The following FAM90A1 variants were observed in gnomAD, a reference collection of about 807,000 sequenced individuals.
The protein encoded by FAM90A1 is family with sequence similarity 90 member A1.
Under a neutral mutation model 14.8 loss-of-function variants are expected in FAM90A1, and 10 were observed. That is an observed-to-expected ratio of 0.67 (90% confidence interval 0.42 to 1.14). The LOEUF is 1.14. Ranked by LOEUF, FAM90A1 falls within the 50% of genes most tolerant of loss-of-function variation. The pLI, the probability that FAM90A1 is intolerant of heterozygous loss-of-function variation, is 0.00. For synonymous variants in FAM90A1, 236 were observed against 248.4 expected, an observed-to-expected ratio of 0.95 and a Z score of 0.47; for missense variants, 567 against 602.8, an observed-to-expected ratio of 0.94 and a Z score of 0.62.
rs1399243188 is a variant in FAM90A1 at position 8,222,082 on chromosome 12, A to G, written c.1135T>C (p.Ser379Pro). 2 of 1,608,732 alleles carry G rather than the reference A, an allele frequency of 1.2e-6. No homozygotes were observed. The highest frequency in any genetic ancestry group is 1.7e-6 in the Non-Finnish European group (2 of 1,179,980). The change falls in exon 7 of 7, where the codon TCC (serine) becomes CCC (proline). Residue 379 changes from serine to proline, a missense_variant. Transcript: ENST00000538603. ...CLPTAQACTMSHHPAASHDGA... is the reference protein window; with the variant it reads ...CLPTAQACTMPHHPAASHDGA... Reference sequence around the variant, plus strand: ...TCATGGCTGGCCGCTGGGTGATGGGACATGGTGCAGGCCTGGGCAGTAGGC... The same window carrying G: ...TCATGGCTGGCCGCTGGGTGATGGGGCATGGTGCAGGCCTGGGCAGTAGGC...
rs773291216 is a variant in FAM90A1, at chr12:8,222,322, G to A, written c.895C>T (p.Gln299Ter). The change falls in exon 7 of 7, where the codon CAG (glutamine) becomes TAG (stop). Residue 299 changes from glutamine to a stop codon, truncating the protein, a stop_gained. Coordinates refer to ENST00000538603, the MANE Select transcript of FAM90A1 (RefSeq NM_018088.3). LOFTEE classifies it low-confidence loss of function (END_TRUNC). ...TTCTTGGGGAAGTTCAGGCAAGCCT[G>A]AATCGGAGCCGGGGCAGATCTCTTG... ...GAKRSAPAPI[Q>*]ACLNFPKKPR... 1.2e-6 allele frequency: 2 copies of A among 1,611,606 alleles called. No individual in the cohort carries two copies. The highest frequency in any genetic ancestry group is 1.1e-5 in the South Asian group (1 of 90,996).
intron 3 of FAM90A1, among the ~76,000 whole-genome samples, chr12:8,225,181 G>C (rs1439514762): frequency 6.6e-6 from 1 of 152,218 alleles, no homozygotes; most frequent in Non-Finnish European, 1.5e-5. Context: ...ACTGGACTTA[G>C]GTCTATCACG....
In FAM90A1 at chr12:8,225,972, T is replaced by C. The variant is rs1948934603; in HGVS notation, c.-193A>G. 1 of 152,374 alleles carries C rather than the reference T, an allele frequency of 6.6e-6. No homozygotes were observed. The highest frequency in any genetic ancestry group is 2.4e-5 in the African/African-American group (1 of 41,596). 9.4% of individuals were successfully genotyped at this position (152,374 alleles called of 1,614,324 possible). On this transcript the variant is annotated 5_prime_UTR_variant, in exon 3 of 7. Coordinates refer to ENST00000538603, the MANE Select transcript of FAM90A1 (RefSeq NM_018088.3). ...AGGGACCTCTGCTTTCCAGGCTGCC[T>C]TTTATACTGCCTCTGGTCACCTGAC... is the stretch of plus-strand genomic sequence containing the variant.
chr12:8,227,051 C>T (rs1250240759), intron 1 of FAM90A1, among the ~76,000 whole-genome samples: 5 of 152,170 alleles, frequency 3.3e-5, no homozygotes, highest in African/African-American at 1.2e-4. Context: ...GATCCACCTG[C>T]CTTGGCCTCC....
rs193031084 is a variant in FAM90A1, at chr12:8,223,288, C to T, written c.432+161G>A. Among the ~76,000 whole-genome samples, 1,418 of 152,218 alleles carry T rather than the reference C, an allele frequency of 9.3e-3. 23 individuals are homozygous for T. The highest frequency in any genetic ancestry group is 0.032 in the African/African-American group (1,335 of 41,524). On this transcript the variant is annotated intron_variant, in intron 6 of 6. Transcript: ENST00000538603. ...GAAATACGGCATCTTCAGATGCCTT[C>T]GCCTGGAATCAAATTGACCTGGAAG...
rs1166860107 is a variant in FAM90A1 at position 8,226,428 on chromosome 12, T to G, written c.-370A>C. 2 of 152,378 alleles carry G rather than the reference T, an allele frequency of 1.3e-5. No individual in the cohort carries two copies. The highest frequency in any genetic ancestry group is 2.9e-5 in the Non-Finnish European group (2 of 68,056). 9.4% of individuals were successfully genotyped at this position (152,378 alleles called of 1,614,324 possible). ...GCAGAGAACCCTGACCACACACTCA[T>G]GTGTTTTCTCCTCCAGAATGCGCTT... On this transcript the variant is annotated 5_prime_UTR_variant, in exon 2 of 7. An upstream start codon of the reference 5' UTR is lost. Coordinates refer to ENST00000538603, the MANE Select transcript of FAM90A1 (RefSeq NM_018088.3).
chr12:8,227,604 G>A lies in FAM90A1; in HGVS notation c.-545C>T. 1 of 1,552,368 alleles carries A rather than the reference G, an allele frequency of 6.4e-7. No homozygotes were observed. Among genetic ancestry groups the A allele is most frequent in the East Asian group, 2.3e-5 (1 of 43,250 alleles). ...GTTGCTTCTGGAAGGGCCCGGATGG[G>A]GCCTGACTGGAGCTGCCGAGGGGTG... On this transcript the variant is annotated 5_prime_UTR_variant, in exon 1 of 7. Transcript: ENST00000538603.
Position 8,221,499 on chromosome 12 carries a change from C to T in FAM90A1, c.*323G>A. On this transcript the variant is annotated 3_prime_UTR_variant, in exon 7 of 7. Coordinates refer to ENST00000538603, the MANE Select transcript of FAM90A1 (RefSeq NM_018088.3). ...GAGAGCAAATACACAGTAATTCCCC[C>T]GTTTCCTATTGACGTCCCAGCGGAA... 4.5e-6 allele frequency: 2 copies of T among 447,880 alleles called. No individual in the cohort carries two copies. Among genetic ancestry groups the T allele is most frequent in the Non-Finnish European group, 8.2e-6 (2 of 244,316 alleles). 27.7% of individuals were successfully genotyped at this position (447,880 alleles called of 1,614,324 possible). A position where few individuals can be genotyped will look rare whatever the true frequency, so the allele number is the denominator to read the frequency against.
Position 8,224,069 on chromosome 12 carries a change from TTCA to T in FAM90A1, c.267_269del (p.Glu90del), listed in dbSNP as rs751803817. 1 of 1,612,088 alleles carries T rather than the reference TTCA, an allele frequency of 6.2e-7. No individual in the cohort carries two copies. The highest frequency in any genetic ancestry group is 8.5e-7 in the Non-Finnish European group (1 of 1,179,858). ...CCTTGTTCAAGGGCCCAGGGTTCGCTTCAACCTGGGGCTTCCATGGTTTCAGGT... is the reference window on the plus strand; with the variant it reads ...CCTTGTTCAAGGGCCCAGGGTTCGCTACCTGGGGCTTCCATGGTTTCAGGT... On this transcript the variant is annotated inframe_deletion, in exon 5 of 7. Coordinates refer to ENST00000538603, the MANE Select transcript of FAM90A1 (RefSeq NM_018088.3).
At chr12:8,227,418 C>G (rs1330899416) in intron 1 of FAM90A1, 62 bp downstream of exon 1, 6 of 457,816 alleles carry the variant, frequency 1.3e-5, no homozygotes, top group Non-Finnish European at 2.4e-5. Context: ...GTCCCCTGCG[C>G]ACAACACAGA....
rs1441721685 is a variant in FAM90A1 at position 8,222,127 on chromosome 12, G to C, written c.1090C>G (p.Pro364Ala). 1 of 1,611,996 alleles carries C rather than the reference G, an allele frequency of 6.2e-7. No individual in the cohort carries two copies. The highest frequency in any genetic ancestry group is 8.5e-7 in the Non-Finnish European group (1 of 1,180,026). Residue 364 changes from proline to alanine, a missense_variant, in exon 7 of 7, where the codon CCG (proline) becomes GCG (alanine). Physicochemically the swap from Pro to Ala is conservative, Grantham distance 27. Transcript: ENST00000538603. ...GTAGGCAGGCAAGGTCTGCTGTGCG[G>C]AGGCTGCCGGTCGCCGCTAAGCACC... ...AQVLSGDRQP[P>A]HSRPCLPTAQ...
chr12:8,222,501 T>C lies in FAM90A1; in HGVS notation c.716A>G (p.Glu239Gly). The change falls in exon 7 of 7, where the codon GAA (glutamate) becomes GGA (glycine). Residue 239 changes from glutamate to glycine, a missense_variant. By Grantham distance (98) the Glu-to-Gly change is moderately conservative. Coordinates refer to ENST00000538603, the MANE Select transcript of FAM90A1 (RefSeq NM_018088.3). ...THSSPAGGCR[E>G]VPQAASKTHG... ...GGTTTTGGAGGCAGCCTGGGGAACT[T>C]CTCGACAGCCACCCGCAGGGCTGCT... The C allele has an allele frequency of 1.2e-6, 2 of 1,611,078 alleles. No individual in the cohort carries two copies. The highest frequency in any genetic ancestry group is 4.5e-5 in the East Asian group (2 of 44,832).
chr12:8,227,146 G>C (rs555857975), intron 1 of FAM90A1, among the ~76,000 whole-genome samples: 1 of 152,142 alleles, frequency 6.6e-6, no homozygotes, highest in Non-Finnish European at 1.5e-5. Flanking sequence ...TTTTTCAAAC[G>C]GAAGAGCCCC....
chr12:8,226,838 C>G (rs1172306905), intron 1 of FAM90A1, among the ~76,000 whole-genome samples: 11 of 106,528 alleles, frequency 1.0e-4, no homozygotes, highest in African/African-American at 4.2e-4. Context: ...GAGACACAGT[C>G]TCTGTCGCCC....
chr12:8,221,634 A>T lies in FAM90A1; in HGVS notation c.*188T>A, dbSNP rs1948822362. The T allele has an allele frequency of 4.4e-6, 3 of 682,296 alleles. No individual in the cohort carries two copies. Among genetic ancestry groups the T allele is most frequent in the Admixed American group, 2.7e-5 (1 of 36,748 alleles). The allele number at this position is 682,296 out of a possible 1,614,324, so 42.3% of individuals were successfully genotyped here. ...GCGAACTACAATGTCCCTCACCAGAATTCAACGTGGCAGAGTCCCTGCATC... is the reference window on the plus strand; with the variant it reads ...GCGAACTACAATGTCCCTCACCAGATTTCAACGTGGCAGAGTCCCTGCATC... On this transcript the variant is annotated 3_prime_UTR_variant, in exon 7 of 7. Transcript: ENST00000538603.
At position 8,222,066 on chromosome 12, in the gene FAM90A1, G is replaced by A. The variant is rs1488994381; in HGVS notation, c.1151C>T (p.Ala384Val). ...QACTMSHHPAASHDGAQPLRV... is the reference protein window; with the variant it reads ...QACTMSHHPAVSHDGAQPLRV... Reference sequence around the variant, plus strand: ...GAGAGGCTGGGCCCCATCATGGCTGGCCGCTGGGTGATGGGACATGGTGCA... The same window carrying A: ...GAGAGGCTGGGCCCCATCATGGCTGACCGCTGGGTGATGGGACATGGTGCA... The change falls in exon 7 of 7, where the codon GCC (alanine) becomes GTC (valine). Residue 384 changes from alanine (A) to valine (V), a missense_variant. Physicochemically the swap from Ala to Val is moderately conservative, Grantham distance 64 (BLOSUM62 0). Transcript: ENST00000538603. The A allele has an allele frequency of 1.4e-5, 22 of 1,606,820 alleles. No individual in the cohort carries two copies. The highest frequency in any genetic ancestry group is 1.6e-5 in the Non-Finnish European group (19 of 1,180,000).
chr12:8,225,542 T>C (rs200254693), intron 3 of FAM90A1, among the ~76,000 whole-genome samples: 18 of 152,156 alleles, frequency 1.2e-4, no homozygotes, highest in East Asian at 1.9e-4. Context: ...ATCGTATCAA[T>C]GTCTTACACG....
Position 8,222,178 on chromosome 12 carries a change from G to A in FAM90A1, c.1039C>T (p.Gln347Ter), listed in dbSNP as rs1394648416. The A allele has an allele frequency of 3.8e-6, 6 of 1,563,446 alleles. No homozygotes were observed. Among genetic ancestry groups the A allele is most frequent in the Non-Finnish European group, 5.2e-6 (6 of 1,145,730 alleles). ...ATELGPRTSP[Q>*]TGTRTPAQVL... ...TGGGCGGGTGTCCTCGTGCCTGTCTGGGGTGACGTACGTGGTCCAAGTTCG... is the reference window on the plus strand; with the variant it reads ...TGGGCGGGTGTCCTCGTGCCTGTCTAGGGTGACGTACGTGGTCCAAGTTCG... The change falls in exon 7 of 7, where the codon CAG (glutamine) becomes TAG (stop). Residue 347 changes from glutamine (Q) to a stop codon, truncating the protein, a stop_gained. Transcript: ENST00000538603. LOFTEE classifies it low-confidence loss of function (END_TRUNC).
intron 3 of FAM90A1, 55 bp downstream of exon 3, chr12:8,225,781 T>A (rs982303836): frequency 6.6e-6 from 1 of 151,544 alleles, no homozygotes; most frequent in Non-Finnish European, 1.5e-5. Context: ...TTGTCTCTTT[T>A]CCCCCCCACC....
Sources: allele counts gnomAD v4.1 joint callset (sites outside exome capture counted in the v4.1 genomes callset), GRCh38; gene constraint gnomAD v4.1.1; transcripts MANE v1.5; gene names NCBI Gene and HGNC (gene_info 2026-07-23, HGNC 2026-07-21).